Variants in PCM1 observed in about 807,000 individuals in gnomAD.
The protein encoded by PCM1 is pericentriolar material 1.
PCM1 carries 157 observed loss-of-function variants against 241.9 expected under a neutral mutation model. The ratio of observed to expected loss-of-function variants is 0.65; its 90% CI spans 0.57 to 0.74. The LOEUF (loss-of-function observed/expected upper bound fraction) is 0.74, where lower values mean the gene tolerates loss of function less well. Among genes scored for constraint, PCM1 ranks in the 30% least tolerant of loss-of-function variants. PCM1 has a pLI of 0.00. For missense variants in PCM1, 3,478 were observed against 2,360.1 expected, an observed-to-expected ratio of 1.47 and a Z score of -9.81; for synonymous variants, 1,085 against 784.9, an observed-to-expected ratio of 1.38 and a Z score of -6.39.
chr8:18,005,841 G>C (rs2091149447), intron 29 of PCM1, among the ~76,000 whole-genome samples: 1 of 152,148 alleles, frequency 6.6e-6, no homozygotes, highest in South Asian at 2.1e-4. Flanking sequence ...ATAATGTGAA[G>C]GTTGAGAAAC....
intron 6 of PCM1, among the ~76,000 whole-genome samples, chr8:17,942,928 CGGA>C (rs2062614635): frequency 6.7e-6 from 1 of 148,550 alleles, no homozygotes; most frequent in African/African-American, 2.5e-5. Flanking sequence ...ACCCTGGAGG[CGGA>C]GGTTGCAGCG....
At chr8:18,010,244 T>C (rs2092283770) in intron 31 of PCM1, among the ~76,000 whole-genome samples, 2 of 152,220 alleles carry the variant, frequency 1.3e-5, no homozygotes, top group Admixed American at 6.5e-5. Context: ...CTGCCTCAAG[T>C]TGAGGCATAC....
At chr8:17,952,512 A>G (rs1031134964) in intron 8 of PCM1, among the ~76,000 whole-genome samples, 4 of 152,206 alleles carry the variant, frequency 2.6e-5, no homozygotes, top group East Asian at 1.9e-4. Flanking sequence ...CATGGATTCA[A>G]CCAACCATGG....
intron 35 of PCM1, 21 bp from the exon 36 acceptor site, chr8:18,014,563 A>G (rs2092937660): frequency 6.3e-7 from 1 of 1,581,434 alleles, no homozygotes. Context: ...CACTAATGTT[A>G]AGACTTTCTT....
In PCM1 at chr8:17,956,692, G is replaced by A. The variant is rs1409306005; in HGVS notation, c.1561G>A (p.Val521Met). Residue 521 changes from valine to methionine, a missense_variant, in exon 11 of 39, where the codon GTG (valine) becomes ATG (methionine). Coordinates refer to ENST00000325083, the MANE Select transcript of PCM1 (RefSeq NM_006197.4). ...AACGTCAGACATGATGACAGATGCT[G>A]TGAATGAAAACAGGAAAGATGAAGA... ...EQTSDMMTDA[V>M]NENRKDEETE... 3 of 1,603,108 alleles carry A rather than the reference G, an allele frequency of 1.9e-6. No individual in the cohort carries two copies. Among genetic ancestry groups the A allele is most frequent in the Non-Finnish European group, 2.6e-6 (3 of 1,172,114 alleles).
At chr8:18,000,746 C>G (rs1399807964) in intron 29 of PCM1, among the ~76,000 whole-genome samples, 2 of 152,068 alleles carry the variant, frequency 1.3e-5, no homozygotes, top group Non-Finnish European at 2.9e-5. Context: ...CTCAGCCTCC[C>G]AAGTATCTGG....
chr8:17,989,757 T>C, intron 26 of PCM1, 102 bp from the exon 27 acceptor site: 1 of 817,480 alleles, frequency 1.2e-6, no homozygotes, highest in Non-Finnish European at 1.8e-6. Context: ...GAATATCTTT[T>C]AAGTGTACAA....
rs749750015 is a variant in PCM1 at position 17,962,045 on chromosome 8, T to C, written c.2334T>C (p.Ala778=). 3.1e-6 allele frequency: 5 copies of C among 1,609,868 alleles called. No homozygotes were observed. In the African/African-American group the frequency reaches 6.7e-5, roughly 22 times the overall value. The change falls in exon 16 of 39, where the codon GCT becomes GCC. Residue 778 remains alanine (A), a synonymous_variant. Coordinates refer to ENST00000325083, the MANE Select transcript of PCM1 (RefSeq NM_006197.4). ...TACPDLQLSA[A]SVGNCPTKKY... The stretch of plus-strand genomic sequence containing the variant: ...GAATTCCTTTTTAGCTGTCAGCTGC[T>C]AGTGTGGGTAACTGTCCCACCAAAA...
chr8:18,026,492 C>T (rs986488691), intron 38 of PCM1, among the ~76,000 whole-genome samples: 4 of 151,716 alleles, frequency 2.6e-5, no homozygotes, highest in Non-Finnish European at 5.9e-5. Context: ...ATCTCCTGAC[C>T]TCGTGATCCG....
In PCM1 at chr8:17,941,218, G is replaced by A. The variant is rs114684422; in HGVS notation, c.783+1357G>A. On this transcript the variant is annotated intron_variant, in intron 6 of 38. Coordinates refer to ENST00000325083, the MANE Select transcript of PCM1 (RefSeq NM_006197.4). ...TTCTTCCTTAGGTTCCAGCAGAAAT[G>A]GAAGGGTTAGGACGATGTGGGTAAA... 8.8e-3 allele frequency among the ~76,000 whole-genome samples: 1,333 copies of A among 152,268 alleles called. 22 individuals are homozygous for A. The highest frequency in any genetic ancestry group is 0.03 in the African/African-American group (1,253 of 41,552).
Position 18,029,904 on chromosome 8 carries a change from G to A in PCM1, c.*2242G>A, listed in dbSNP as rs2094424285. The A allele has an allele frequency of 1.1e-5, 2 of 189,788 alleles. No homozygotes were observed. Among genetic ancestry groups the A allele is most frequent in the Admixed American group, 1.2e-4 (2 of 16,270 alleles). The allele number at this position is 189,788 out of a possible 1,614,324, so 11.8% of individuals were successfully genotyped here. ...TTTGTATTTTGTAACATTGACTTTG[G>A]GTAAATGCTTTTTCACTGTTAATAA... On this transcript the variant is annotated 3_prime_UTR_variant, in exon 39 of 39. Transcript: ENST00000325083.
In PCM1 at chr8:17,953,175, A is replaced by C; in HGVS notation, c.1277A>C (p.Asn426Thr). The part of the protein sequence containing the change: ...ELHTLRDQHL[N>T]NSSSSPQRSV... ...CATACACTTCGAGATCAGCATCTTAACAATTCATCATGTGAGTAAATCTGG... is the reference window on the plus strand; with the variant it reads ...CATACACTTCGAGATCAGCATCTTACCAATTCATCATGTGAGTAAATCTGG... Residue 426 changes from asparagine (N) to threonine (T), a missense_variant, in exon 9 of 39, where the codon AAC (asparagine) becomes ACC (threonine). Physicochemically the swap from Asn to Thr is moderately conservative, Grantham distance 65. Transcript: ENST00000325083. 1 of 1,552,310 alleles carries C rather than the reference A, an allele frequency of 6.4e-7. No individual in the cohort carries two copies. The highest frequency in any genetic ancestry group is 8.8e-7 in the Non-Finnish European group (1 of 1,141,140).
At chr8:17,968,404 T>G (rs2075696572) in intron 21 of PCM1, among the ~76,000 whole-genome samples, 1 of 151,714 alleles carries the variant, frequency 6.6e-6, no homozygotes, top group Non-Finnish European at 1.5e-5. Flanking sequence ...AGGAAAGGAG[T>G]GAAGATTTAG....
intron 36 of PCM1, 74 bp from the exon 37 acceptor site, chr8:18,025,287 T>C (rs1218534484): frequency 9.9e-6 from 8 of 807,182 alleles, no homozygotes; most frequent in African/African-American, 1.7e-5. Flanking sequence ...ACTGAGAAAA[T>C]AATTCACTAT....
chr8:18,010,490 G>A, intron 31 of PCM1, 119 bp from the exon 32 acceptor site: 1 of 663,292 alleles, frequency 1.5e-6, no homozygotes, highest in Non-Finnish European at 2.5e-6. Flanking sequence ...TGATTAGAAA[G>A]TAATACAGGC....
At chr8:17,993,353 C>A in intron 28 of PCM1, 130 bp from the exon 29 acceptor site, 1 of 560,882 alleles carries the variant, frequency 1.8e-6, no homozygotes. Context: ...GCTTAAACTA[C>A]AAACATGTTT....
chr8:17,998,554 T>A (rs1188381366), intron 29 of PCM1, among the ~76,000 whole-genome samples: 1 of 152,208 alleles, frequency 6.6e-6, no homozygotes, highest in Non-Finnish European at 1.5e-5. Flanking sequence ...TGGATGGAGA[T>A]GGGGTGATGG....
intron 14 of PCM1, 23 bp downstream of exon 14, chr8:17,960,188 A>T: frequency 7.1e-6 from 11 of 1,547,182 alleles, no homozygotes; most frequent in Non-Finnish European, 9.6e-6. Context: ...TTTGGCCTTC[A>T]TTTAATATAA....
chr8:17,937,099 A>C, intron 3 of PCM1, 35 bp from the exon 4 acceptor site: 3 of 1,487,034 alleles, frequency 2.0e-6, no homozygotes, highest in African/African-American at 1.4e-5. Context: ...GGTTTGATAC[A>C]GGCCATGTTA....
Sources: allele counts gnomAD v4.1 joint callset (sites outside exome capture counted in the v4.1 genomes callset), GRCh38; gene constraint gnomAD v4.1.1; transcripts MANE v1.5; gene names NCBI Gene and HGNC (gene_info 2026-07-23, HGNC 2026-07-21).